CYP2C19: variants seen among roughly 807,000 people sequenced by gnomAD.
The protein encoded by CYP2C19 is cytochrome P450 family 2 subfamily C member 19, also known as cytochrome P450 2C19.
A neutral mutation model predicts 40.9 loss-of-function variants in CYP2C19; 59 were observed. The observed-to-expected ratio is 1.44, with a 90% CI of 1.17 to 1.79. CYP2C19 has a LOEUF of 1.79. Ranked by LOEUF, CYP2C19 falls within the 40% of genes most tolerant of loss-of-function variation. The probability of loss-of-function intolerance (pLI) is 0.00; values close to 1 mark genes in which losing one functional copy is unlikely to be tolerated. For missense variants in CYP2C19, 754 were observed against 596.9 expected (o/e 1.26, Z -2.74); for synonymous variants, 253 against 208.7 (o/e 1.21, Z -1.83).
chr10:94,817,530 G>T (rs1410791646), intron 5 of CYP2C19, among the ~76,000 whole-genome samples: 2 of 145,352 alleles, frequency 1.4e-5, no homozygotes, highest in African/African-American at 5.2e-5. Context: ...GTTGTAGGTT[G>T]CCTGTTCACT....
intron 5 of CYP2C19, among the ~76,000 whole-genome samples, chr10:94,785,984 A>G (rs759824269): frequency 4.6e-5 from 7 of 152,070 alleles, no homozygotes; most frequent in Non-Finnish European, 8.8e-5. Context: ...TTTGGGCCCT[A>G]TATAAATCAG....
At chr10:94,796,889 G>A (rs1848696543) in intron 5 of CYP2C19, among the ~76,000 whole-genome samples, 1 of 152,054 alleles carries the variant, frequency 6.6e-6, no homozygotes, top group Non-Finnish European at 1.5e-5. Context: ...AGGAGATTTT[G>A]GGCTGTGACA....
chr10:94,772,776 T>C (rs375886305), intron 1 of CYP2C19, among the ~76,000 whole-genome samples: 111 of 152,194 alleles, frequency 7.3e-4, no homozygotes, highest in African/African-American at 2.6e-3. Flanking sequence ...GTGGCCACAT[T>C]GGTCACTTTT....
At position 94,787,007 on chromosome 10, in the gene CYP2C19, T is replaced by A. The variant is rs377106662; in HGVS notation, c.819+5010T>A. On this transcript the variant is annotated intron_variant, in intron 5 of 8. Transcript: ENST00000371321. ...ATAACAATTTGTTTTCCACTGGATA[T>A]GTACCCAGTAGTGGAATTGCTGCAT... Among the ~76,000 whole-genome samples, 8 of 152,280 alleles carry A rather than the reference T, an allele frequency of 5.3e-5. No individual in the cohort carries two copies. The East Asian group carries it at 7.7e-4, about 15-fold the overall frequency.
At chr10:94,833,075 A>G (rs1849356135) in intron 6 of CYP2C19, among the ~76,000 whole-genome samples, 2 of 152,202 alleles carry the variant, frequency 1.3e-5, no homozygotes, top group Non-Finnish European at 2.9e-5. Context: ...CACTGTTGGC[A>G]TATATCAACA....
chr10:94,828,578 C>T (rs942701716), intron 6 of CYP2C19, among the ~76,000 whole-genome samples: 3 of 148,862 alleles, frequency 2.0e-5, no homozygotes, highest in Admixed American at 6.7e-5. Flanking sequence ...AGATGGGTTT[C>T]CTGAATACAG....
chr10:94,831,979 A>G (rs925140661), intron 6 of CYP2C19, among the ~76,000 whole-genome samples: 2 of 152,220 alleles, frequency 1.3e-5, no homozygotes, highest in African/African-American at 4.8e-5. Context: ...ATTTTTGCCT[A>G]GACCAATGTC....
intron 1 of CYP2C19, among the ~76,000 whole-genome samples, chr10:94,765,186 C>T (rs1029464540): frequency 6.6e-6 from 1 of 152,062 alleles, no homozygotes; most frequent in Non-Finnish European, 1.5e-5. Context: ...ACTGGCTATT[C>T]TGGTTCCTGT....
intron 3 of CYP2C19, among the ~76,000 whole-genome samples, chr10:94,779,584 TG>T (rs1848456782): frequency 6.6e-6 from 1 of 151,358 alleles, no homozygotes; most frequent in African/African-American, 2.4e-5. Context: ...TTTTTTGAGT[TG>T]GAGTCTCACT....
chr10:94,768,895 C>T (rs975272785), intron 1 of CYP2C19, among the ~76,000 whole-genome samples: 2 of 152,096 alleles, frequency 1.3e-5, no homozygotes, highest in Non-Finnish European at 2.9e-5. Flanking sequence ...GCTGTTTCTG[C>T]CCCTGGTTCC....
chr10:94,805,102 G>A (rs1223207238), intron 5 of CYP2C19, among the ~76,000 whole-genome samples: 2 of 151,986 alleles, frequency 1.3e-5, no homozygotes, highest in Non-Finnish European at 2.9e-5. Flanking sequence ...TTTAATAGTA[G>A]TAAAAGTGGA....
chr10:94,830,533 C>A (rs1363914001), intron 6 of CYP2C19, among the ~76,000 whole-genome samples: 2 of 152,146 alleles, frequency 1.3e-5, no homozygotes, highest in African/African-American at 2.4e-5. Context: ...GTGCACGCAC[C>A]CACTGACCTG....
chr10:94,848,908 G>A (rs919789987), intron 7 of CYP2C19, among the ~76,000 whole-genome samples: 1 of 152,130 alleles, frequency 6.6e-6, no homozygotes, highest in Non-Finnish European at 1.5e-5. Flanking sequence ...GAATGCTTGT[G>A]ATTTTTGTCC....
intron 5 of CYP2C19, among the ~76,000 whole-genome samples, chr10:94,813,238 G>A (rs772690345): frequency 6.6e-6 from 1 of 152,140 alleles, no homozygotes; most frequent in Non-Finnish European, 1.5e-5. Context: ...TATTCCTCTG[G>A]AAGCTTCGTC....
chr10:94,816,664 G>C (rs1589365404), intron 5 of CYP2C19, among the ~76,000 whole-genome samples: 1 of 149,698 alleles, frequency 6.7e-6, no homozygotes, highest in Non-Finnish European at 1.5e-5. Flanking sequence ...TGCCATCCTG[G>C]TGCGCTGCAC....
At chr10:94,836,949 AC>A (rs973033550) in intron 6 of CYP2C19, among the ~76,000 whole-genome samples, 1 of 152,076 alleles carries the variant, frequency 6.6e-6, no homozygotes, top group African/African-American at 2.4e-5. Context: ...CTATCCTTGA[AC>A]CCTTGGGGTA....
chr10:94,853,078 C>T lies in CYP2C19; in HGVS notation c.*164C>T. On this transcript the variant is annotated 3_prime_UTR_variant, in exon 9 of 9. Transcript: ENST00000371321. Reference sequence around the variant, plus strand: ...CCTCCATTAAAAAAGTTTCACTGTGCAAATATATCTGCTATTCCCCATACT... The same window carrying T: ...CCTCCATTAAAAAAGTTTCACTGTGTAAATATATCTGCTATTCCCCATACT... The T allele has an allele frequency of 1.5e-6, 1 of 683,194 alleles. No individual in the cohort carries two copies. The highest frequency in any genetic ancestry group is 2.4e-6 in the Non-Finnish European group (1 of 410,262). The allele number at this position is 683,194 out of a possible 1,614,324, so 42.3% of individuals were successfully genotyped here. A position where few individuals can be genotyped will look rare whatever the true frequency, so the allele number is the denominator to read the frequency against.
At chr10:94,800,471 A>G (rs1471404644) in intron 5 of CYP2C19, among the ~76,000 whole-genome samples, 1 of 152,232 alleles carries the variant, frequency 6.6e-6, no homozygotes, top group East Asian at 1.9e-4. Context: ...GTTAGGCTAC[A>G]CGGGGTTCAG....
intron 6 of CYP2C19, 149 bp downstream of exon 6, chr10:94,820,786 T>C: frequency 9.5e-7 from 1 of 1,057,762 alleles, no homozygotes; most frequent in Non-Finnish European, 1.4e-6. Flanking sequence ...AATGGTGTGA[T>C]TAAAATGGAA....
Sources: gnomAD v4.1 joint callset for allele counts (sites outside exome capture counted in the v4.1 genomes callset) on GRCh38, gnomAD v4.1.1 for gene constraint, MANE v1.5 for transcripts, NCBI Gene and HGNC (gene_info 2026-07-23, HGNC 2026-07-21) for gene names.